TRAF3: variants seen among roughly 807,000 people sequenced by gnomAD.
TRAF3 encodes the protein TNF receptor associated factor 3.
TRAF3 carries 13 observed loss-of-function variants against 62.3 expected under a neutral mutation model. The observed-to-expected ratio is 0.21, with a 90% confidence interval of 0.14 to 0.33. The LOEUF is 0.33. Ranked by LOEUF, TRAF3 falls within the 10% of genes least tolerant of loss-of-function variation. TRAF3 has a pLI of 1.00. For synonymous variants in TRAF3, 269 were observed against 283.4 expected, an observed-to-expected ratio of 0.95 and a Z score of 0.51; for missense variants, 440 against 741.8, an observed-to-expected ratio of 0.59 and a Z score of 4.73.
intron 10 of TRAF3, among the ~76,000 whole-genome samples, chr14:102,898,814 G>A (rs1435038674): frequency 6.6e-6 from 1 of 152,238 alleles, no homozygotes; most frequent in African/African-American, 2.4e-5. Flanking sequence ...TCTATGGTAT[G>A]TGATTTCTAC....
At chr14:102,787,651 C>T (rs1007232823) in intron 1 of TRAF3, among the ~76,000 whole-genome samples, 2 of 152,098 alleles carry the variant, frequency 1.3e-5, no homozygotes, top group Non-Finnish European at 2.9e-5. Context: ...GGCGCTACTG[C>T]ACTGCAGCCT....
intron 1 of TRAF3, among the ~76,000 whole-genome samples, chr14:102,814,530 T>TC (rs964816228): frequency 2.6e-5 from 4 of 151,990 alleles, no homozygotes; most frequent in East Asian, 1.9e-4. Context: ...TTTCTTTTTT[T>TC]CCCCCCCAAG....
intron 2 of TRAF3, among the ~76,000 whole-genome samples, chr14:102,846,179 A>G (rs1223456272): frequency 6.6e-6 from 1 of 152,106 alleles, no homozygotes; most frequent in Non-Finnish European, 1.5e-5. Context: ...ACTTCTAGGT[A>G]TGTACACCAG....
At chr14:102,839,506 C>T (rs2139672094) in intron 2 of TRAF3, among the ~76,000 whole-genome samples, 1 of 152,304 alleles carries the variant, frequency 6.6e-6, no homozygotes, top group East Asian at 1.9e-4. Flanking sequence ...AGGCGTGAGC[C>T]ACTGTGCCCA....
At chr14:102,892,376 G>A (rs986198255) in intron 9 of TRAF3, among the ~76,000 whole-genome samples, 4 of 152,148 alleles carry the variant, frequency 2.6e-5, no homozygotes, top group African/African-American at 7.2e-5. Context: ...GTTCTTAAGA[G>A]GCCTTCATTG....
rs548042808 is a variant in TRAF3 at position 102,794,263 on chromosome 14, C to T, written c.-157+16588C>T. On this transcript the variant is annotated intron_variant, in intron 1 of 11. Coordinates refer to ENST00000392745, the MANE Select transcript of TRAF3 (RefSeq NM_145725.3). ...CATCATAGCTCACTGCAGCCTCAAACGCCTGGGCAGAAGTGATCCTCCCAG... is the reference window on the plus strand; with the variant it reads ...CATCATAGCTCACTGCAGCCTCAAATGCCTGGGCAGAAGTGATCCTCCCAG... Among the ~76,000 whole-genome samples the T allele has an allele frequency of 1.3e-4, 20 of 152,274 alleles. No individual in the cohort carries two copies. The East Asian group carries it at 2.9e-3, about 22-fold the overall frequency.
At chr14:102,814,171 G>A (rs531484556) in intron 1 of TRAF3, among the ~76,000 whole-genome samples, 4 of 152,326 alleles carry the variant, frequency 2.6e-5, no homozygotes, top group African/African-American at 9.6e-5. Flanking sequence ...TGAAGAGACT[G>A]TCCTTTCCCC....
At chr14:102,861,671 T>C (rs1396054713) in intron 2 of TRAF3, among the ~76,000 whole-genome samples, 1 of 152,118 alleles carries the variant, frequency 6.6e-6, no homozygotes, top group Non-Finnish European at 1.5e-5. Context: ...CAAGAGAGGG[T>C]TATTGAATCT....
intron 2 of TRAF3, among the ~76,000 whole-genome samples, chr14:102,838,952 C>CT (rs1277205012): frequency 3.3e-5 from 5 of 152,048 alleles, no homozygotes; most frequent in East Asian, 3.9e-4. Context: ...TAAAAAACAC[C>CT]TTTTTTGTCG....
At chr14:102,905,180 T>C (rs1890526023) in intron 11 of TRAF3, 33 bp from the exon 12 acceptor site, 1 of 1,601,028 alleles carries the variant, frequency 6.2e-7, no homozygotes. Flanking sequence ...CGTTCACCTG[T>C]CTCATTCACC....
At chr14:102,862,191 G>T (rs767023425) in intron 2 of TRAF3, among the ~76,000 whole-genome samples, 17 of 151,912 alleles carry the variant, frequency 1.1e-4, no homozygotes, top group Non-Finnish European at 2.5e-4. Flanking sequence ...TATATTTTTT[G>T]GGGATCTCAT....
At chr14:102,822,099 G>T (rs1480061327) in intron 1 of TRAF3, among the ~76,000 whole-genome samples, 1 of 152,010 alleles carries the variant, frequency 6.6e-6, no homozygotes, top group Non-Finnish European at 1.5e-5. Flanking sequence ...GGTCATAATA[G>T]AAAAATTTTA....
chr14:102,870,364 A>G lies in TRAF3; in HGVS notation c.163A>G (p.Lys55Glu). The G allele has an allele frequency of 6.2e-7, 1 of 1,614,190 alleles. No individual in the cohort carries two copies. The highest frequency in any genetic ancestry group is 1.1e-5 in the South Asian group (1 of 91,084). Residue 55 changes from lysine (K) to glutamate (E), a missense_variant, in exon 3 of 12, where the codon AAG becomes GAG. Lys to Glu is a moderately conservative substitution (Grantham distance 56). This residue lies in a region of TRAF3 where 255 missense variants were observed against 424.1 expected (regional missense o/e 0.60). Transcript: ENST00000392745. ...KTVEDKYKCE[K>E]CHLVLCSPKQ... ...CGTGGAGGACAAGTACAAGTGTGAG[A>G]AGTGCCACCTGGTGCTGTGCAGCCC...
intron 1 of TRAF3, among the ~76,000 whole-genome samples, chr14:102,825,784 C>T (rs1012955364): frequency 6.6e-6 from 1 of 152,216 alleles, no homozygotes; most frequent in African/African-American, 2.4e-5. Flanking sequence ...GGGGAGTGCC[C>T]AGAGTGGCAC....
At chr14:102,893,116 T>A (rs1422931199) in intron 9 of TRAF3, among the ~76,000 whole-genome samples, 6 of 152,128 alleles carry the variant, frequency 3.9e-5, no homozygotes, top group South Asian at 4.2e-4. Flanking sequence ...TGGCCGGGCA[T>A]GGTGGCTCAT....
chr14:102,880,790 G>A (rs1042898005), intron 6 of TRAF3, among the ~76,000 whole-genome samples: 1 of 152,236 alleles, frequency 6.6e-6, no homozygotes, highest in African/African-American at 2.4e-5. Context: ...AAAAAGGAAG[G>A]AGATTGGCTG....
intron 10 of TRAF3, among the ~76,000 whole-genome samples, chr14:102,900,485 A>G (rs1201316024): frequency 6.6e-6 from 1 of 152,230 alleles, no homozygotes; most frequent in Non-Finnish European, 1.5e-5. Context: ...TGGGTGACAG[A>G]GCAAGACTGT....
At chr14:102,855,535 C>A (rs1315018714) in intron 2 of TRAF3, among the ~76,000 whole-genome samples, 2 of 152,118 alleles carry the variant, frequency 1.3e-5, no homozygotes, top group Non-Finnish European at 2.9e-5. Context: ...GTGGCTCACA[C>A]CTGTAATCCC....
At chr14:102,795,954 C>A (rs540168228) in intron 1 of TRAF3, among the ~76,000 whole-genome samples, 1 of 152,184 alleles carries the variant, frequency 6.6e-6, no homozygotes, top group South Asian at 2.1e-4. Context: ...TGGTTGCTCA[C>A]GCCTGTAATC....
Sources: allele counts gnomAD v4.1 joint callset (sites outside exome capture counted in the v4.1 genomes callset), GRCh38; gene constraint gnomAD v4.1.1; regional missense constraint gnomAD v4.1.1; transcripts MANE v1.5; gene names NCBI Gene and HGNC (gene_info 2026-07-23, HGNC 2026-07-21).